The following BCL2 variants were observed in gnomAD, a reference collection of about 807,000 sequenced individuals.
BCL2 encodes the protein BCL2 apoptosis regulator, also known as apoptosis regulator Bcl-2.
BCL2 carries 1 observed loss-of-function variant against 14.2 expected under a neutral mutation model. That is an observed-to-expected ratio of 0.07 (90% CI 0.02 to 0.33). BCL2 has a LOEUF of 0.33. Among genes scored for constraint, BCL2 ranks in the 10% least tolerant of loss-of-function variants. BCL2 has a pLI of 0.99. For missense variants in BCL2, 247 were observed against 305.9 expected, an observed-to-expected ratio of 0.81 and a Z score of 1.44; for synonymous variants, 151 against 137.2, an observed-to-expected ratio of 1.10 and a Z score of -0.70.
intron 2 of BCL2, among the ~76,000 whole-genome samples, chr18:63,228,505 G>C (rs527927520): frequency 3.7e-4 from 52 of 142,444 alleles, no homozygotes; most frequent in Non-Finnish European, 6.1e-4. Flanking sequence ...TATATATTTT[G>C]TTTGTTTATT....
At chr18:63,198,898 C>CACAGACAT in intron 2 of BCL2, among the ~76,000 whole-genome samples, 1 of 152,364 alleles carries the variant, frequency 6.6e-6, no homozygotes, top group African/African-American at 2.4e-5. Flanking sequence ...CAGAGACACA[C>CACAGACAT]ACACAGACAT....
intron 2 of BCL2, among the ~76,000 whole-genome samples, chr18:63,145,280 G>T (rs4987825): frequency 0.051 from 7,711 of 152,336 alleles, 299 homozygotes; most frequent in Non-Finnish European, 0.076. Flanking sequence ...TGTCTGCAAC[G>T]TGCATGAACA....
intron 2 of BCL2, among the ~76,000 whole-genome samples, chr18:63,295,493 C>T (rs1599296435): frequency 6.6e-6 from 1 of 152,152 alleles, no homozygotes; most frequent in African/African-American, 2.4e-5. Context: ...TGCTGATTCT[C>T]TGGCCTTCGA....
chr18:63,203,266 A>G (rs926262014), intron 2 of BCL2, among the ~76,000 whole-genome samples: 1 of 152,248 alleles, frequency 6.6e-6, no homozygotes, highest in Admixed American at 6.5e-5. Context: ...GTCTGAAAGC[A>G]AGACCCTGGG....
At chr18:63,220,078 G>T (rs910487125) in intron 2 of BCL2, among the ~76,000 whole-genome samples, 2 of 152,130 alleles carry the variant, frequency 1.3e-5, no homozygotes, top group Admixed American at 6.5e-5. Flanking sequence ...GTTATAATGC[G>T]CATTTGGAGC....
intron 2 of BCL2, among the ~76,000 whole-genome samples, chr18:63,238,940 C>A (rs759556912): frequency 6.6e-6 from 1 of 152,148 alleles, no homozygotes; most frequent in African/African-American, 2.4e-5. Flanking sequence ...TTCTTGGTAA[C>A]GAGAGAGCAG....
chr18:63,206,356 C>T (rs778880306), intron 2 of BCL2, among the ~76,000 whole-genome samples: 24 of 152,240 alleles, frequency 1.6e-4, no homozygotes, highest in Non-Finnish European at 3.4e-4. Flanking sequence ...AGTGCACACG[C>T]TTGTCTCAAG....
chr18:63,275,553 G>A (rs574037149), intron 2 of BCL2, among the ~76,000 whole-genome samples: 9 of 152,304 alleles, frequency 5.9e-5, no homozygotes, highest in Admixed American at 5.9e-4. Context: ...AGAGTGCCCC[G>A]AGTGTCACGA....
chr18:63,130,920 C>A (rs1004689626), intron 2 of BCL2, among the ~76,000 whole-genome samples: 1 of 152,160 alleles, frequency 6.6e-6, no homozygotes, highest in Non-Finnish European at 1.5e-5. Context: ...CCACCTTTTA[C>A]AAAAGGCAGG....
intron 2 of BCL2, among the ~76,000 whole-genome samples, chr18:63,145,778 A>T (rs1248813871): frequency 6.6e-6 from 1 of 152,172 alleles, no homozygotes; most frequent in African/African-American, 2.4e-5. Context: ...CATCTCTAAT[A>T]CACCAAATTA....
intron 2 of BCL2, among the ~76,000 whole-genome samples, chr18:63,256,688 G>A (rs1337610101): frequency 1.3e-5 from 2 of 152,010 alleles, no homozygotes; most frequent in Non-Finnish European, 2.9e-5. Flanking sequence ...GGGGCATGTG[G>A]CAAGGGGTAT....
intron 2 of BCL2, among the ~76,000 whole-genome samples, chr18:63,144,299 G>C (rs1290079043): frequency 1.3e-5 from 2 of 152,054 alleles, no homozygotes; most frequent in Non-Finnish European, 2.9e-5. Context: ...ACTAAATCTG[G>C]GATGACAAGA....
At chr18:63,180,014 C>G (rs982083773) in intron 2 of BCL2, among the ~76,000 whole-genome samples, 1 of 152,200 alleles carries the variant, frequency 6.6e-6, no homozygotes, top group Non-Finnish European at 1.5e-5. Context: ...TGAAAGACCT[C>G]AGAGCCCCAA....
chr18:63,319,976 CCCGCTCCGAGCGCTGACGG>C (rs1352040548), upstream of BCL2: 2 of 154,168 alleles, frequency 1.3e-5, no homozygotes, highest in East Asian at 3.4e-4. Flanking sequence ...CGCCGCGCAG[CCCGCTCCGAGCGCTGACGG>C]CCGCCGGCAG....
Position 63,307,349 on chromosome 18 carries a change from C to T in BCL2, c.585+10733G>A, listed in dbSNP as rs192894648. On this transcript the variant is annotated intron_variant, in intron 2 of 2. Coordinates refer to ENST00000333681, the MANE Select transcript of BCL2 (RefSeq NM_000633.3). Reference sequence around the variant, plus strand: ...AAATTCCAATGACATGTACTTTCATCGGTTAATTTTTAATTGAGCCAAATA... The same window carrying T: ...AAATTCCAATGACATGTACTTTCATTGGTTAATTTTTAATTGAGCCAAATA... Among the ~76,000 whole-genome samples the T allele has an allele frequency of 8.5e-5, 13 of 152,310 alleles. No homozygotes were observed. In the East Asian group the frequency reaches 2.1e-3, roughly 25 times the overall value.
intron 2 of BCL2, among the ~76,000 whole-genome samples, chr18:63,214,316 G>A (rs368167185): frequency 6.6e-6 from 1 of 152,222 alleles, no homozygotes; most frequent in African/African-American, 2.4e-5. Context: ...TCTCTGTAGG[G>A]GAGGTGAGAC....
At position 63,152,367 on chromosome 18, in the gene BCL2, G is replaced by A. The variant is rs987691587; in HGVS notation, c.586-23608C>T. On this transcript the variant is annotated intron_variant, in intron 2 of 2. Coordinates refer to ENST00000333681, the MANE Select transcript of BCL2 (RefSeq NM_000633.3). ...CAGAGCCTCTACTTGGCAACACCTC[G>A]TTTGCCCAATTCTAGGTATTTGAAA... 3.3e-5 allele frequency among the ~76,000 whole-genome samples: 5 copies of A among 152,092 alleles called. No homozygotes were observed. The East Asian group carries it at 5.8e-4, about 18-fold the overall frequency.
At chr18:63,143,481 C>A (rs1169899036) in intron 2 of BCL2, among the ~76,000 whole-genome samples, 2 of 152,226 alleles carry the variant, frequency 1.3e-5, no homozygotes, top group African/African-American at 4.8e-5. Context: ...GGGCACTTAA[C>A]ACGAGAAAAG....
intron 2 of BCL2, among the ~76,000 whole-genome samples, chr18:63,138,003 C>T (rs926822541): frequency 2.0e-4 from 30 of 152,182 alleles, no homozygotes; most frequent in Non-Finnish European, 3.4e-4. Flanking sequence ...ATTGGCAATA[C>T]TATCTGTGAC....
Sources: allele counts gnomAD v4.1 joint callset (sites outside exome capture counted in the v4.1 genomes callset), GRCh38; gene constraint gnomAD v4.1.1; transcripts MANE v1.5; gene names NCBI Gene and HGNC (gene_info 2026-07-23, HGNC 2026-07-21).